C4orf36: variants seen among roughly 807,000 people sequenced by gnomAD.
C4orf36 encodes uncharacterized protein C4orf36.
In C4orf36, 11 loss-of-function variants were observed where a neutral mutation model predicts 12.2. The ratio of observed to expected loss-of-function variants is 0.90; its 90% CI spans 0.57 to 1.49. The LOEUF is 1.49. C4orf36 is among the 40% of genes most tolerant of loss of function. The pLI is 0.00. For synonymous variants in C4orf36, 54 were observed against 51.3 expected (o/e 1.05, Z -0.22); for missense variants, 137 against 133.9 (o/e 1.02, Z -0.11).
the C4orf36 span, among the ~76,000 whole-genome samples, chr4:86,913,063 A>AT: frequency 6.6e-6 from 1 of 152,102 alleles, no homozygotes. Context: ...TGAAGTCGCA[A>AT]TAAAAAAAAA....
the C4orf36 span, among the ~76,000 whole-genome samples, chr4:86,931,794 G>T: frequency 1.3e-5 from 2 of 149,506 alleles, no homozygotes; most frequent in African/African-American, 4.9e-5. Context: ...CCAGCACTTT[G>T]GGAGGCCGAG....
chr4:86,912,776 A>G, the C4orf36 span, among the ~76,000 whole-genome samples: 2 of 152,214 alleles, frequency 1.3e-5, no homozygotes, highest in South Asian at 2.1e-4. Flanking sequence ...ATGAATATGG[A>G]CATGAAAACA....
chr4:86,915,374 G>C, the C4orf36 span, among the ~76,000 whole-genome samples: 1 of 152,158 alleles, frequency 6.6e-6, no homozygotes, highest in Non-Finnish European at 1.5e-5. Flanking sequence ...CTACTTCCAT[G>C]TCCACCCAAA....
At chr4:86,915,763 G>C in the C4orf36 span, among the ~76,000 whole-genome samples, 2 of 152,028 alleles carry the variant, frequency 1.3e-5, no homozygotes, top group African/African-American at 4.8e-5. Flanking sequence ...CTCCAGCCTG[G>C]GCAACAAGAC....
intron 4 of C4orf36, among the ~76,000 whole-genome samples, chr4:86,879,026 A>G (rs557614080): frequency 6.6e-6 from 1 of 152,288 alleles, no homozygotes; most frequent in Admixed American, 6.5e-5. Flanking sequence ...CATGAAGCCA[A>G]TGTCTAAAGA....
chr4:86,894,188 C>T (rs1359123574), upstream of C4orf36, among the ~76,000 whole-genome samples: 2 of 152,140 alleles, frequency 1.3e-5, no homozygotes, highest in African/African-American at 2.4e-5. Flanking sequence ...TGAGCCACCG[C>T]GCCCGGTCTT....
At chr4:86,889,123 G>A (rs1214671424) in intron 2 of C4orf36, among the ~76,000 whole-genome samples, 1 of 151,984 alleles carries the variant, frequency 6.6e-6, no homozygotes, top group African/African-American at 2.4e-5. Context: ...GCTGAGGTGG[G>A]TGGATCATCT....
chr4:86,908,551 A>G, the C4orf36 span, among the ~76,000 whole-genome samples: 1 of 151,776 alleles, frequency 6.6e-6, no homozygotes, highest in African/African-American at 2.4e-5. Context: ...AGTGTGCAGA[A>G]GAGAATTTCC....
At chr4:86,879,189 A>C (rs1746989224) in intron 4 of C4orf36, among the ~76,000 whole-genome samples, 2 of 152,194 alleles carry the variant, frequency 1.3e-5, no homozygotes, top group Admixed American at 1.3e-4. Flanking sequence ...TAACAAAATA[A>C]ATTTCCAGAA....
the C4orf36 span, among the ~76,000 whole-genome samples, chr4:86,906,910 C>G: frequency 1.3e-5 from 2 of 151,806 alleles, no homozygotes; most frequent in African/African-American, 2.4e-5. Context: ...CATGGTAGTG[C>G]ACACCTGTAA....
At chr4:86,929,792 TAAGG>T in the C4orf36 span, among the ~76,000 whole-genome samples, 5 of 152,116 alleles carry the variant, frequency 3.3e-5, no homozygotes, top group South Asian at 4.1e-4. Flanking sequence ...AGAAAACTCA[TAAGG>T]AAGGGAGAGA....
chr4:86,912,931 C>T, the C4orf36 span, among the ~76,000 whole-genome samples: 1 of 149,428 alleles, frequency 6.7e-6, no homozygotes, highest in Non-Finnish European at 1.5e-5. Flanking sequence ...TTCAAAACCA[C>T]ATTCAGTTTT....
At chr4:86,881,958 G>A (rs563892567) in intron 4 of C4orf36, among the ~76,000 whole-genome samples, 32 of 152,170 alleles carry the variant, frequency 2.1e-4, no homozygotes, top group Middle Eastern at 3.2e-3. Flanking sequence ...GATTACAGGC[G>A]TGCGCCTCCA....
the C4orf36 span, among the ~76,000 whole-genome samples, chr4:86,917,911 G>T: frequency 2.6e-5 from 4 of 152,224 alleles, no homozygotes; most frequent in Non-Finnish European, 5.9e-5. Context: ...ATAATGTGTT[G>T]CACTATCAGT....
At chr4:86,927,322 T>C in the C4orf36 span, among the ~76,000 whole-genome samples, 1 of 152,008 alleles carries the variant, frequency 6.6e-6, no homozygotes, top group Admixed American at 6.6e-5. Context: ...ATGGGCCACA[T>C]AGCAAGATCC....
In C4orf36 at chr4:86,891,539, G is replaced by GAA; in HGVS notation, c.-20_-19insTT. ...ACGCCATGGTGAGTTATTACGGTATGATTTCGTTACATAGGTGCCTGATGG... is the reference window on the plus strand; with the variant it reads ...ACGCCATGGTGAGTTATTACGGTATGAAATTTCGTTACATAGGTGCCTGATGG... On this transcript the variant is annotated 5_prime_UTR_variant, in exon 2 of 5. Transcript: ENST00000295898. 6.2e-7 allele frequency: 1 copy of GAA among 1,613,910 alleles called. No individual in the cohort carries two copies. The highest frequency in any genetic ancestry group is 8.5e-7 in the Non-Finnish European group (1 of 1,179,934).
the C4orf36 span, among the ~76,000 whole-genome samples, chr4:86,910,641 A>C: frequency 6.6e-6 from 1 of 152,172 alleles, no homozygotes; most frequent in East Asian, 1.9e-4. Flanking sequence ...ATCCTGGAAG[A>C]AACAGGATTT....
chr4:86,908,253 T>A, the C4orf36 span, among the ~76,000 whole-genome samples: 1 of 151,724 alleles, frequency 6.6e-6, no homozygotes, highest in Non-Finnish European at 1.5e-5. Flanking sequence ...TATGTGTGTT[T>A]ATGGGTAGGG....
the C4orf36 span, among the ~76,000 whole-genome samples, chr4:86,912,272 C>T: frequency 1.3e-5 from 2 of 152,204 alleles, no homozygotes; most frequent in South Asian, 2.1e-4. Context: ...CCTCCTGCCT[C>T]GGCCTCCCAA....
Sources: allele counts gnomAD v4.1 joint callset (sites outside exome capture counted in the v4.1 genomes callset), GRCh38; gene constraint gnomAD v4.1.1; transcripts MANE v1.5; gene names NCBI Gene and HGNC (gene_info 2026-07-23, HGNC 2026-07-21).